The following ZRANB1 variants were observed in gnomAD, a reference collection of about 807,000 sequenced individuals.
ZRANB1 encodes the protein zinc finger RANBP2-type containing 1, also known as ubiquitin thioesterase ZRANB1.
In ZRANB1, 16 loss-of-function variants were observed where a neutral mutation model predicts 80.5. The ratio of observed to expected loss-of-function variants is 0.20; its 90% CI spans 0.13 to 0.30. The LOEUF (loss-of-function observed/expected upper bound fraction) is 0.30. Among genes scored for constraint, ZRANB1 ranks in the 10% least tolerant of loss-of-function variants. The pLI, the probability that ZRANB1 is intolerant of heterozygous loss-of-function variation, is 1.00. For missense variants in ZRANB1, 576 were observed against 862.6 expected (o/e 0.67, Z 4.16); for synonymous variants, 291 against 293.1 (o/e 0.99, Z 0.07).
chr10:124,981,673 C>G, intron 5 of ZRANB1, 36 bp from the exon 6 acceptor site: 14 of 1,543,080 alleles, frequency 9.1e-6, no homozygotes, highest in Non-Finnish European at 1.2e-5. Context: ...TTATAGAAGA[C>G]TATTTATTTA....
At chr10:124,954,140 G>GA (rs1951667481) in intron 1 of ZRANB1, among the ~76,000 whole-genome samples, 1 of 52,510 alleles carries the variant, frequency 1.9e-5, no homozygotes, top group South Asian at 8.5e-4. Context: ...GCTAATTCCT[G>GA]TTTTTTTTTT....
the ZRANB1 span, among the ~76,000 whole-genome samples, chr10:124,921,018 A>G: frequency 6.6e-6 from 1 of 152,208 alleles, no homozygotes; most frequent in Non-Finnish European, 1.5e-5. Context: ...ACTTGAAACT[A>G]TGGCTGTCTC....
intron 8 of ZRANB1, 25 bp from the exon 9 acceptor site, chr10:124,984,749 C>G (rs1951995676): frequency 6.2e-7 from 1 of 1,606,774 alleles, no homozygotes; most frequent in African/African-American, 1.3e-5. Context: ...ATGATTTTCC[C>G]TTTGTCTTCA....
At chr10:124,957,450 ATT>A (rs1951695884) in intron 1 of ZRANB1, among the ~76,000 whole-genome samples, 2 of 152,134 alleles carry the variant, frequency 1.3e-5, no homozygotes, top group Admixed American at 1.3e-4. Context: ...TTAAGTGTAT[ATT>A]ATTAGCATTG....
At position 124,984,855 on chromosome 10, in the gene ZRANB1, A is replaced by G; in HGVS notation, c.1990A>G (p.Met664Val). The G allele has an allele frequency of 6.2e-7, 1 of 1,614,030 alleles. No homozygotes were observed. The highest frequency in any genetic ancestry group is 8.5e-7 in the Non-Finnish European group (1 of 1,179,994). ...CVTEGGVLVA[M>V]QKSSRRRNHP... ...GACGGAGGGGGGAGTTCTGGTTGCC[A>G]TGCAGAAGAGTTCTCGGCGGCGAAA... Residue 664 changes from methionine (M) to valine (V), a missense_variant, in exon 9 of 9, where the codon ATG (methionine) becomes GTG (valine). Coordinates refer to ENST00000359653, the MANE Select transcript of ZRANB1 (RefSeq NM_017580.3).
At chr10:124,934,983 A>C in the ZRANB1 span, among the ~76,000 whole-genome samples, 1 of 152,244 alleles carries the variant, frequency 6.6e-6, no homozygotes, top group South Asian at 2.1e-4. Context: ...AGTATGTTTA[A>C]TTGTGGATTA....
intron 2 of ZRANB1, among the ~76,000 whole-genome samples, chr10:124,971,763 G>A (rs1397099853): frequency 6.6e-6 from 1 of 152,234 alleles, no homozygotes; most frequent in Non-Finnish European, 1.5e-5. Context: ...TACTGAATCA[G>A]AGGATAAAAC....
chr10:124,973,826 T>A, intron 4 of ZRANB1, 110 bp downstream of exon 4: 1 of 950,496 alleles, frequency 1.1e-6, no homozygotes, highest in Non-Finnish European at 1.6e-6. Context: ...ATTTTTATTT[T>A]AAATTAAAGA....
At chr10:124,951,065 G>A (rs1951635040) in intron 1 of ZRANB1, among the ~76,000 whole-genome samples, 1 of 152,012 alleles carries the variant, frequency 6.6e-6, no homozygotes, top group East Asian at 1.9e-4. Context: ...CAAAGTGTAG[G>A]CGTATTACAT....
Position 124,942,254 on chromosome 10 carries a change from G to T in ZRANB1, c.-240G>T, listed in dbSNP as rs913983315. The T allele has an allele frequency of 7.5e-7, 1 of 1,335,528 alleles. No homozygotes were observed. Among genetic ancestry groups the T allele is most frequent in the Non-Finnish European group, 9.6e-7 (1 of 1,044,066 alleles). 82.7% of individuals were successfully genotyped at this position (1,335,528 alleles called of 1,614,324 possible). On this transcript the variant is annotated 5_prime_UTR_variant, in exon 1 of 9. Transcript: ENST00000359653. ...AAAGTTCAGTTTTATTAAATCCCAG[G>T]GTCTAAGATTTTTTCTTTGAGAATT...
At chr10:124,927,270 G>GT in the ZRANB1 span, among the ~76,000 whole-genome samples, 1 of 152,194 alleles carries the variant, frequency 6.6e-6, no homozygotes, top group Non-Finnish European at 1.5e-5. Flanking sequence ...ATTCTCAACT[G>GT]TAAGTTGATT....
At chr10:124,946,418 C>CA (rs1345969298) in intron 1 of ZRANB1, 5,543 of 63,558 alleles carry the variant, frequency 0.087, 274 homozygotes, top group African/African-American at 0.21. Flanking sequence ...AACCCTGTCT[C>CA]AAAAAAAAAA....
the ZRANB1 span, among the ~76,000 whole-genome samples, chr10:124,921,466 A>G: frequency 6.6e-6 from 1 of 152,232 alleles, no homozygotes; most frequent in Non-Finnish European, 1.5e-5. Flanking sequence ...ATGCTGATGC[A>G]TTTGGAAAAT....
intron 1 of ZRANB1, among the ~76,000 whole-genome samples, chr10:124,946,645 G>A (rs999370966): frequency 6.6e-6 from 1 of 152,116 alleles, no homozygotes; most frequent in Non-Finnish European, 1.5e-5. Flanking sequence ...ACTCTACAAT[G>A]TCATTCTGAA....
intron 1 of ZRANB1, among the ~76,000 whole-genome samples, chr10:124,956,656 A>G (rs553065826): frequency 7.2e-5 from 11 of 152,080 alleles, no homozygotes; most frequent in African/African-American, 2.2e-4. Context: ...TTTTTTAGTA[A>G]TGGCGGGGTT....
chr10:124,974,258 C>T lies in ZRANB1; in HGVS notation c.1287C>T (p.Asp429=). The T allele has an allele frequency of 1.2e-6, 2 of 1,614,260 alleles. No homozygotes were observed. Among genetic ancestry groups the T allele is most frequent in the South Asian group, 1.1e-5 (1 of 91,090 alleles). ...CCTTGGAATTGGCTACACGTTTGGACAGTCGACTGTATGCACTTTGGAACC... is the reference window on the plus strand; with the variant it reads ...CCTTGGAATTGGCTACACGTTTGGATAGTCGACTGTATGCACTTTGGAACC... ...NWSLELATRL[D]SRLYALWNRT... The change falls in exon 5 of 9, where the codon GAC becomes GAT. Residue 429 remains aspartate, a synonymous_variant. Coordinates refer to ENST00000359653, the MANE Select transcript of ZRANB1 (RefSeq NM_017580.3).
upstream of ZRANB1, among the ~76,000 whole-genome samples, chr10:124,940,712 A>T (rs937783947): frequency 9.9e-5 from 15 of 152,134 alleles, no homozygotes; most frequent in Non-Finnish European, 1.8e-4. Flanking sequence ...GTGGTGGTTC[A>T]TGCCTGTAAT....
At chr10:124,922,256 GTAAAATATATATA>G in the ZRANB1 span, among the ~76,000 whole-genome samples, 30 of 110,498 alleles carry the variant, frequency 2.7e-4, no homozygotes, top group Non-Finnish European at 4.8e-4. Flanking sequence ...ATATATATAT[GTAAAATATATATA>G]TATATATGTA....
the ZRANB1 span, among the ~76,000 whole-genome samples, chr10:124,933,285 C>T: frequency 5.1e-4 from 78 of 151,708 alleles, no homozygotes; most frequent in Admixed American, 1.2e-3. Context: ...TACAGGTGCG[C>T]GCCACCATGC....
Sources: allele counts gnomAD v4.1 joint callset (sites outside exome capture counted in the v4.1 genomes callset), GRCh38; gene constraint gnomAD v4.1.1; transcripts MANE v1.5; gene names NCBI Gene and HGNC (gene_info 2026-07-23, HGNC 2026-07-21).